The following XRRA1 variants were observed in gnomAD, a reference collection of about 807,000 sequenced individuals.
The protein encoded by XRRA1 is X-ray radiation resistance associated 1.
In XRRA1, 69 loss-of-function variants were observed where a neutral mutation model predicts 80.2. That is an observed-to-expected ratio of 0.86 (90% confidence interval 0.71 to 1.05). The LOEUF is 1.05. XRRA1 is among the 50% of genes least tolerant of loss of function. The pLI is 0.00. For synonymous variants in XRRA1, 348 were observed against 389.9 expected, an observed-to-expected ratio of 0.89 and a Z score of 1.27; for missense variants, 967 against 976.4, an observed-to-expected ratio of 0.99 and a Z score of 0.13.
chr11:74,948,158 G>A (rs1222188319), intron 1 of XRRA1, among the ~76,000 whole-genome samples: 1 of 152,180 alleles, frequency 6.6e-6, no homozygotes, highest in Admixed American at 6.5e-5. Context: ...AGACGCTTAT[G>A]GGGGATATAT....
chr11:74,907,358 A>G, intron 8 of XRRA1, 85 bp from the exon 9 acceptor site: 1 of 1,548,376 alleles, frequency 6.5e-7, no homozygotes, highest in Non-Finnish European at 8.8e-7. Context: ...ACAGGGAATC[A>G]ATTAGGAGGA....
At chr11:74,877,446 T>C (rs564920304) in intron 10 of XRRA1, among the ~76,000 whole-genome samples, 4 of 151,954 alleles carry the variant, frequency 2.6e-5, no homozygotes, top group African/African-American at 9.7e-5. Flanking sequence ...CCACTAATAA[T>C]GGGATTCTTT....
intron 10 of XRRA1, among the ~76,000 whole-genome samples, chr11:74,884,300 T>C (rs1346107003): frequency 2.0e-5 from 3 of 152,206 alleles, no homozygotes; most frequent in Admixed American, 6.5e-5. Flanking sequence ...GGGCCAGGCA[T>C]GTCCAACATA....
At position 74,940,898 on chromosome 11, in the gene XRRA1, G is replaced by A. The variant is rs1472578559; in HGVS notation, c.-4-16C>T. 6.9e-6 allele frequency: 11 copies of A among 1,583,200 alleles called. No homozygotes were observed. Among genetic ancestry groups the A allele is most frequent in the African/African-American group, 2.7e-5 (2 of 74,350 alleles). On this transcript the variant is annotated splice_polypyrimidine_tract_variant and intron_variant, in intron 2 of 18. Transcript: ENST00000684022. ...GGCCATCTCCCTGAGAGCCAGGCAA[G>A]GAAAGCAAGGAAGCAGAAGAGTGAA...
At chr11:74,910,136 A>G (rs980457967) in intron 8 of XRRA1, 1 of 152,264 alleles carries the variant, frequency 6.6e-6, no homozygotes, top group Admixed American at 6.5e-5. Flanking sequence ...AAGTACTTAC[A>G]TTACGACAAA....
intron 2 of XRRA1, 87 bp from the exon 3 acceptor site, chr11:74,940,969 C>A (rs949614018): frequency 4.2e-6 from 4 of 956,274 alleles, no homozygotes; most frequent in African/African-American, 1.6e-5. Context: ...CATGAGCCCA[C>A]CAGGACCACC....
At chr11:74,886,515 G>A (rs924827305) in intron 10 of XRRA1, among the ~76,000 whole-genome samples, 1 of 151,534 alleles carries the variant, frequency 6.6e-6, no homozygotes, top group Non-Finnish European at 1.5e-5. Flanking sequence ...GAAGGTGAAA[G>A]AGCTCTACAA....
intron 4 of XRRA1, among the ~76,000 whole-genome samples, chr11:74,935,920 C>T (rs1392015325): frequency 1.3e-5 from 2 of 152,094 alleles, no homozygotes; most frequent in Non-Finnish European, 2.9e-5. Context: ...TGTTTCTGCC[C>T]CTCCTCAGTA....
chr11:74,931,441 C>T (rs983833060), intron 5 of XRRA1, among the ~76,000 whole-genome samples: 7 of 151,944 alleles, frequency 4.6e-5, no homozygotes, highest in African/African-American at 1.7e-4. Flanking sequence ...TCTCCTGCCT[C>T]AGCCTCCTGA....
At chr11:74,948,006 C>T (rs943946810) in intron 1 of XRRA1, among the ~76,000 whole-genome samples, 3 of 152,128 alleles carry the variant, frequency 2.0e-5, no homozygotes, top group Non-Finnish European at 4.4e-5. Context: ...AGCCCCCACG[C>T]CCGGCCGAGA....
At chr11:74,911,992 C>T (rs921633992) in intron 8 of XRRA1, among the ~76,000 whole-genome samples, 1 of 152,136 alleles carries the variant, frequency 6.6e-6, no homozygotes, top group Non-Finnish European at 1.5e-5. Context: ...CAAAACTAAA[C>T]CTATTCTCCT....
At chr11:74,879,377 G>A (rs1391473207) in intron 10 of XRRA1, among the ~76,000 whole-genome samples, 1 of 152,124 alleles carries the variant, frequency 6.6e-6, no homozygotes, top group Non-Finnish European at 1.5e-5. Context: ...GAGACAATGG[G>A]GTTTTCTAGA....
chr11:74,881,245 T>C (rs1590942982), intron 10 of XRRA1, among the ~76,000 whole-genome samples: 1 of 151,964 alleles, frequency 6.6e-6, no homozygotes, highest in African/African-American at 2.4e-5. Flanking sequence ...TTGATCTTTG[T>C]TGGTTTAAAG....
At chr11:74,916,569 T>G (rs1591384533) in intron 8 of XRRA1, among the ~76,000 whole-genome samples, 1 of 152,336 alleles carries the variant, frequency 6.6e-6, no homozygotes, top group Admixed American at 6.5e-5. Flanking sequence ...TTTTCTTGAC[T>G]TTATTCATAT....
rs1418501862 is a variant in XRRA1, at chr11:74,906,240, T to G, written c.1002A>C (p.Thr334=). Residue 334 remains threonine (T), a splice_region_variant and synonymous_variant, in exon 10 of 19, where the codon ACA becomes ACC. Transcript: ENST00000684022. ...TCTGGGACAAGGGGTGTCACTCACC[T>G]GTCCGGTCAACATCCTTTTTCATGG... ...VLPMKKDVDR[T]EVVFSSYPGF... is the part of the protein sequence containing the mutation. 1 of 1,613,328 alleles carries G rather than the reference T, an allele frequency of 6.2e-7. No homozygotes were observed. Among genetic ancestry groups the G allele is most frequent in the Non-Finnish European group, 8.5e-7 (1 of 1,179,504 alleles).
chr11:74,866,132 T>C (rs569451843), intron 10 of XRRA1, among the ~76,000 whole-genome samples: 2 of 152,334 alleles, frequency 1.3e-5, no homozygotes, highest in African/African-American at 4.8e-5. Flanking sequence ...CAGGGAAATA[T>C]GACGTCACCA....
At chr11:74,929,677 T>G (rs1049784049) in intron 6 of XRRA1, among the ~76,000 whole-genome samples, 3 of 152,140 alleles carry the variant, frequency 2.0e-5, no homozygotes, top group African/African-American at 2.4e-5. Flanking sequence ...CCTGAATCAC[T>G]CCTATTCATT....
chr11:74,874,539 G>C (rs887859780), intron 10 of XRRA1, among the ~76,000 whole-genome samples: 83 of 152,296 alleles, frequency 5.4e-4, no homozygotes, highest in African/African-American at 1.9e-3. Context: ...TGCCAAAGTG[G>C]CCCTACTGAT....
At chr11:74,901,139 C>T (rs761695892) in intron 10 of XRRA1, among the ~76,000 whole-genome samples, 11 of 152,108 alleles carry the variant, frequency 7.2e-5, no homozygotes, top group Non-Finnish European at 1.5e-4. Context: ...AAATTGGTAG[C>T]ATTTCTATAT....
Sources: allele counts gnomAD v4.1 joint callset (sites outside exome capture counted in the v4.1 genomes callset), GRCh38; gene constraint gnomAD v4.1.1; transcripts MANE v1.5; gene names NCBI Gene and HGNC (gene_info 2026-07-23, HGNC 2026-07-21).